Variants in SLC26A7 observed in about 807,000 individuals in gnomAD.
SLC26A7 encodes solute carrier family 26 member 7, also known as anion exchange transporter.
In SLC26A7, 59 loss-of-function variants were observed where a neutral mutation model predicts 82.5. The observed-to-expected ratio is 0.72, with a 90% confidence interval of 0.58 to 0.89. SLC26A7 has a LOEUF of 0.89. Ranked by LOEUF, SLC26A7 falls within the 40% of genes least tolerant of loss-of-function variation. The probability of loss-of-function intolerance (pLI) is 0.00; values close to 1 mark genes in which losing one functional copy is unlikely to be tolerated. For missense variants in SLC26A7, 820 were observed against 793.0 expected (o/e 1.03, Z -0.41); for synonymous variants, 271 against 274.3 (o/e 0.99, Z 0.12).
chr8:91,298,312 C>T (rs565610033), intron 4 of SLC26A7, among the ~76,000 whole-genome samples: 13 of 152,254 alleles, frequency 8.5e-5, no homozygotes, highest in Non-Finnish European at 1.9e-4. Flanking sequence ...ATATTTTTAA[C>T]ATTATTTTAA....
chr8:91,250,479 G>T (rs1028426004), intron 2 of SLC26A7, among the ~76,000 whole-genome samples: 4 of 152,100 alleles, frequency 2.6e-5, no homozygotes, highest in African/African-American at 9.7e-5. Flanking sequence ...CAGACTAAAT[G>T]ATATTCTGGA....
intron 9 of SLC26A7, among the ~76,000 whole-genome samples, chr8:91,346,214 C>T (rs1286053843): frequency 6.6e-6 from 1 of 152,066 alleles, no homozygotes; most frequent in Non-Finnish European, 1.5e-5. Flanking sequence ...TCAACAACTT[C>T]CATTAAATTG....
Position 91,339,627 on chromosome 8 carries a change from G to GATTTATTTATTT in SLC26A7, c.879-751_879-740dup, listed in dbSNP as rs60112814. ...TCCTGTTTTCTTCTACTGCCTGAGG[G>GATTTATTTATTT]ATTTATTTATTTATTTATTTATTTA... On this transcript the variant is annotated intron_variant, in intron 7 of 18. Coordinates refer to ENST00000276609, the MANE Select transcript of SLC26A7 (RefSeq NM_052832.4). Among the ~76,000 whole-genome samples the GATTTATTTATTT allele has an allele frequency of 6.5e-3, 955 of 147,058 alleles. 11 individuals are homozygous for GATTTATTTATTT. Among genetic ancestry groups the GATTTATTTATTT allele is most frequent in the African/African-American group, 0.021 (834 of 40,076 alleles).
chr8:91,329,695 C>G (rs948713976), intron 5 of SLC26A7, among the ~76,000 whole-genome samples: 2 of 152,142 alleles, frequency 1.3e-5, no homozygotes, highest in African/African-American at 4.8e-5. Context: ...AAGATATTCT[C>G]TAAATGCTTT....
intron 7 of SLC26A7, among the ~76,000 whole-genome samples, chr8:91,339,429 C>A (rs931685936): frequency 6.6e-6 from 1 of 152,046 alleles, no homozygotes; most frequent in Non-Finnish European, 1.5e-5. Context: ...TGCCATTCAC[C>A]TTGTGATGTT....
At chr8:91,354,187 C>A (rs543849720) in intron 11 of SLC26A7, among the ~76,000 whole-genome samples, 1 of 152,142 alleles carries the variant, frequency 6.6e-6, no homozygotes, top group South Asian at 2.1e-4. Flanking sequence ...TACTTGATAA[C>A]CCTATGGTTA....
chr8:91,234,781 T>TTCCCTCCC (rs1299467536), intron 2 of SLC26A7, among the ~76,000 whole-genome samples: 1 of 119,006 alleles, frequency 8.4e-6, no homozygotes, highest in Non-Finnish European at 1.9e-5. Flanking sequence ...CCTTCCTTCC[T>TTCCCTCCC]TCCCTCCCTC....
intron 2 of SLC26A7, among the ~76,000 whole-genome samples, chr8:91,279,314 G>C (rs1811502757): frequency 6.6e-6 from 1 of 151,622 alleles, no homozygotes; most frequent in Admixed American, 6.6e-5. Flanking sequence ...TATATGCCCA[G>C]TAGTGGAGTT....
intron 1 of SLC26A7, among the ~76,000 whole-genome samples, chr8:91,210,570 C>CACACACAT (rs1809894399): frequency 4.2e-5 from 2 of 47,756 alleles, no homozygotes; most frequent in Non-Finnish European, 7.4e-5. Context: ...CAGACACACA[C>CACACACAT]ACACACACAC....
At chr8:91,287,233 A>T (rs2130762677) in intron 2 of SLC26A7, among the ~76,000 whole-genome samples, 1 of 152,332 alleles carries the variant, frequency 6.6e-6, no homozygotes, top group East Asian at 1.9e-4. Context: ...ATTTTACTTG[A>T]TTATTCCCAC....
chr8:91,237,676 CT>C (rs1459795784), intron 2 of SLC26A7, among the ~76,000 whole-genome samples: 2 of 152,054 alleles, frequency 1.3e-5, no homozygotes, highest in Admixed American at 1.3e-4. Context: ...CTTTAAAAAC[CT>C]CAAGCTTTAA....
Position 91,370,067 on chromosome 8 carries a change from AT to A in SLC26A7, c.1675+237del, listed in dbSNP as rs562621340. 4.1e-4 allele frequency among the ~76,000 whole-genome samples: 63 copies of A among 151,956 alleles called. No individual in the cohort carries two copies. In the East Asian group the frequency reaches 0.012, roughly 29 times the overall value. ...TTATCTGCAGAAAACAGATTTAGCC[AT>A]TTGGCTCCTTCTCCCTTCTCTTTCT... On this transcript the variant is annotated intron_variant, in intron 15 of 18. Transcript: ENST00000276609.
In SLC26A7 at chr8:91,336,612, C is replaced by T. The variant is rs1489704417; in HGVS notation, c.796-1538C>T. Reference sequence around the variant, plus strand: ...GACTGCTGCTCTAAAGCACTAGTCACACCTGGGGTGCAATCCCCCCCTTGC... The same window carrying T: ...GACTGCTGCTCTAAAGCACTAGTCATACCTGGGGTGCAATCCCCCCCTTGC... On this transcript the variant is annotated intron_variant, in intron 6 of 18. Coordinates refer to ENST00000276609, the MANE Select transcript of SLC26A7 (RefSeq NM_052832.4). Among the ~76,000 whole-genome samples the T allele has an allele frequency of 2.0e-5, 3 of 152,092 alleles. No homozygotes were observed. In the East Asian group the frequency reaches 5.8e-4, roughly 29 times the overall value.
intron 1 of SLC26A7, among the ~76,000 whole-genome samples, chr8:91,212,320 G>A (rs1377509559): frequency 6.6e-6 from 1 of 151,992 alleles, no homozygotes; most frequent in Non-Finnish European, 1.5e-5. Flanking sequence ...ATTTCTTATA[G>A]TTTCGTTAGT....
chr8:91,218,299 G>A (rs566539534), intron 1 of SLC26A7, among the ~76,000 whole-genome samples: 2 of 152,016 alleles, frequency 1.3e-5, no homozygotes, highest in South Asian at 4.2e-4. Context: ...AAACATAAAT[G>A]GTCAATATAT....
chr8:91,279,021 C>T (rs954363682), intron 2 of SLC26A7, among the ~76,000 whole-genome samples: 3 of 151,022 alleles, frequency 2.0e-5, no homozygotes, highest in African/African-American at 7.3e-5. Context: ...CTGTGCCTAG[C>T]TTATGTCATT....
chr8:91,337,038 T>A lies in SLC26A7; in HGVS notation c.796-1112T>A, dbSNP rs1163994870. ...AGCTACTACTAGTTTCTTTAGAAAATGCTACTATCGTATTACAATATTTAT... is the reference window on the plus strand; with the variant it reads ...AGCTACTACTAGTTTCTTTAGAAAAAGCTACTATCGTATTACAATATTTAT... On this transcript the variant is annotated intron_variant, in intron 6 of 18. Transcript: ENST00000276609. Among the ~76,000 whole-genome samples the A allele has an allele frequency of 1.4e-4, 22 of 152,286 alleles. No individual in the cohort carries two copies. In the East Asian group the frequency reaches 4.2e-3, roughly 29 times the overall value.
rs1808590769 is a variant in SLC26A7, at chr8:91,397,060, C to T, written c.*1963C>T. The T allele has an allele frequency of 6.6e-6, 1 of 151,984 alleles. No homozygotes were observed. The highest frequency in any genetic ancestry group is 2.1e-4 in the South Asian group (1 of 4,824). 9.4% of individuals were successfully genotyped at this position (151,984 alleles called of 1,614,324 possible). ...TTATAGTTTGTTGATAAAGTGGACA[C>T]AGTATTGTCTGAGCAGTTATATTTT... On this transcript the variant is annotated 3_prime_UTR_variant, in exon 19 of 19. Coordinates refer to ENST00000276609, the MANE Select transcript of SLC26A7 (RefSeq NM_052832.4).
rs371311166 is a variant in SLC26A7 at position 91,236,900 on chromosome 8, G to A, written c.-33-12719G>A. On this transcript the variant is annotated intron_variant, in intron 2 of 5. Coordinates refer to the SLC26A7 transcript ENST00000522862. ...CAGGGCCATTTATCACCACACTAAT[G>A]TCTAATATTTATCAATTGCTTACTC... Among the ~76,000 whole-genome samples the A allele has an allele frequency of 5.3e-5, 8 of 152,226 alleles. No individual in the cohort carries two copies. In the South Asian group the frequency reaches 1.7e-3, roughly 32 times the overall value.
Sources: gnomAD v4.1 joint callset for allele counts (sites outside exome capture counted in the v4.1 genomes callset) on GRCh38, gnomAD v4.1.1 for gene constraint, MANE v1.5 for transcripts, NCBI Gene and HGNC (gene_info 2026-07-23, HGNC 2026-07-21) for gene names.